The following RBFOX1 variants were observed in gnomAD, a reference collection of about 807,000 sequenced individuals.
RBFOX1 encodes the protein RNA binding protein fox-1 homolog 1.
A neutral mutation model predicts 57.7 loss-of-function variants in RBFOX1; 8 were observed. The observed-to-expected ratio is 0.14, with a 90% confidence interval of 0.08 to 0.25. The LOEUF is 0.25. Among genes scored for constraint, RBFOX1 ranks in the 10% least tolerant of loss-of-function variants. The probability of loss-of-function intolerance (pLI) is 1.00; values close to 1 mark genes in which losing one functional copy is unlikely to be tolerated. For missense variants in RBFOX1, 611 were observed against 548.5 expected, an observed-to-expected ratio of 1.11 and a Z score of -1.14; for synonymous variants, 326 against 222.4, an observed-to-expected ratio of 1.47 and a Z score of -4.15.
chr16:5,670,244 G>C (rs1449181273), intron 3 of RBFOX1, among the ~76,000 whole-genome samples: 2 of 152,134 alleles, frequency 1.3e-5, no homozygotes, highest in Non-Finnish European at 2.9e-5. Context: ...AAATGTTCTG[G>C]ACTCAGATAG....
chr16:5,241,507 G>A (rs2062166473), intron 1 of RBFOX1, among the ~76,000 whole-genome samples: 1 of 152,204 alleles, frequency 6.6e-6, no homozygotes, highest in South Asian at 2.1e-4. Context: ...GGGACCTAGG[G>A]AACGTGAGTG....
At chr16:7,576,202 G>A (rs886128105) in intron 5 of RBFOX1, among the ~76,000 whole-genome samples, 1 of 152,002 alleles carries the variant, frequency 6.6e-6, no homozygotes, top group Non-Finnish European at 1.5e-5. Flanking sequence ...GGGATTACAG[G>A]CATGAGCCAC....
chr16:6,669,850 C>G (rs780367389), intron 3 of RBFOX1, among the ~76,000 whole-genome samples: 19 of 152,164 alleles, frequency 1.2e-4, no homozygotes, highest in Non-Finnish European at 2.9e-5. Flanking sequence ...GCCAGGCAGG[C>G]AGATCTGATG....
intron 4 of RBFOX1, among the ~76,000 whole-genome samples, chr16:5,918,329 A>G (rs2058751705): frequency 6.6e-6 from 1 of 152,174 alleles, no homozygotes; most frequent in Non-Finnish European, 1.5e-5. Flanking sequence ...CATGTTGGCC[A>G]GGCTGGTCTC....
chr16:7,160,282 A>G lies in RBFOX1; in HGVS notation c.27+108184A>G, dbSNP rs147252343. Among the ~76,000 whole-genome samples the G allele has an allele frequency of 4.7e-4, 72 of 151,956 alleles. 1 individual carries two copies. The highest frequency in any genetic ancestry group is 1.7e-3 in the African/African-American group (71 of 41,428). ...GCATTGTTTTCTTCCTGTCTTTGGC[A>G]GGTTTCAGGCAAGTTGCATTAGTCT... On this transcript the variant is annotated intron_variant, in intron 4 of 15. Coordinates refer to ENST00000550418, the MANE Select transcript of RBFOX1 (RefSeq NM_018723.4).
chr16:5,714,750 C>T (rs576656708), intron 3 of RBFOX1, among the ~76,000 whole-genome samples: 1 of 152,158 alleles, frequency 6.6e-6, no homozygotes, highest in African/African-American at 2.4e-5. Flanking sequence ...ATTGTGCATA[C>T]CACACTGAGT....
At chr16:5,696,725 T>A (rs1596804991) in intron 3 of RBFOX1, among the ~76,000 whole-genome samples, 2 of 152,116 alleles carry the variant, frequency 1.3e-5, no homozygotes, top group South Asian at 4.1e-4. Context: ...TACATTCTTA[T>A]GATATTGCCT....
At chr16:7,105,856 G>A (rs1253991915) in intron 4 of RBFOX1, among the ~76,000 whole-genome samples, 1 of 152,082 alleles carries the variant, frequency 6.6e-6, no homozygotes, top group Non-Finnish European at 1.5e-5. Context: ...TGCGTTGGAG[G>A]AACCATCTGA....
Position 7,211,341 on chromosome 16 carries a change from G to A in RBFOX1, c.27+159243G>A, listed in dbSNP as rs949473044. ...TGGGAGGCGGAGCTTGCAGTGAGCCGAGATTGCACCACTGCGCCCCAGCCT... is the reference window on the plus strand; with the variant it reads ...TGGGAGGCGGAGCTTGCAGTGAGCCAAGATTGCACCACTGCGCCCCAGCCT... On this transcript the variant is annotated intron_variant, in intron 4 of 15. Coordinates refer to ENST00000550418, the MANE Select transcript of RBFOX1 (RefSeq NM_018723.4). 7.0e-5 allele frequency among the ~76,000 whole-genome samples: 10 copies of A among 143,852 alleles called. No homozygotes were observed. In the East Asian group the frequency reaches 8.6e-4, roughly 12 times the overall value. The allele number at this position is 143,852 out of a possible 152,430, so 94.4% of individuals were successfully genotyped here.
At chr16:5,606,529 C>T (rs1188976358) in intron 3 of RBFOX1, among the ~76,000 whole-genome samples, 1 of 152,034 alleles carries the variant, frequency 6.6e-6, no homozygotes, top group African/African-American at 2.4e-5. Flanking sequence ...CTCATTCCAC[C>T]CCCAACTCCC....
chr16:6,816,726 C>A (rs1163127995), intron 3 of RBFOX1, among the ~76,000 whole-genome samples: 3 of 93,638 alleles, frequency 3.2e-5, no homozygotes, highest in African/African-American at 7.6e-5. Flanking sequence ...GGTGACAGAG[C>A]AAGACTGTCT....
At chr16:7,552,833 C>G (rs1340305326) in intron 5 of RBFOX1, among the ~76,000 whole-genome samples, 1 of 152,070 alleles carries the variant, frequency 6.6e-6, no homozygotes, top group African/African-American at 2.4e-5. Context: ...CAGTTTCCTG[C>G]CACAACCCCC....
chr16:7,181,291 G>A (rs1000904274), intron 4 of RBFOX1, among the ~76,000 whole-genome samples: 4 of 152,148 alleles, frequency 2.6e-5, no homozygotes, highest in African/African-American at 9.7e-5. Flanking sequence ...AATGAATGAA[G>A]TACTGGATTC....
chr16:6,724,208 A>ATTTT (rs35887818), intron 3 of RBFOX1, among the ~76,000 whole-genome samples: 1 of 128,056 alleles, frequency 7.8e-6, no homozygotes, highest in Admixed American at 8.0e-5. Flanking sequence ...GGCATCTTCC[A>ATTTT]TTTTTTTTTT....
At chr16:7,351,158 C>T (rs2097123853) in intron 4 of RBFOX1, among the ~76,000 whole-genome samples, 1 of 152,172 alleles carries the variant, frequency 6.6e-6, no homozygotes, top group Admixed American at 6.5e-5. Context: ...CAGGGGACAA[C>T]TTGGGAGTTT....
chr16:6,428,644 T>G (rs2093995058), intron 2 of RBFOX1, among the ~76,000 whole-genome samples: 1 of 152,178 alleles, frequency 6.6e-6, no homozygotes, highest in Non-Finnish European at 1.5e-5. Context: ...GCTGTCATCA[T>G]CACCATCATT....
chr16:7,415,683 C>T (rs1012541869), intron 4 of RBFOX1, among the ~76,000 whole-genome samples: 1 of 152,152 alleles, frequency 6.6e-6, no homozygotes, highest in Non-Finnish European at 1.5e-5. Flanking sequence ...TACCAAGAAG[C>T]ACTAGTTGAA....
intron 1 of RBFOX1, among the ~76,000 whole-genome samples, chr16:6,121,314 A>G (rs1018455500): frequency 2.6e-5 from 4 of 152,172 alleles, no homozygotes; most frequent in African/African-American, 4.8e-5. Context: ...ATTCTTTACA[A>G]GGTGCCCCAG....
chr16:6,937,039 G>A (rs987133342), intron 3 of RBFOX1, among the ~76,000 whole-genome samples: 1 of 151,660 alleles, frequency 6.6e-6, no homozygotes, highest in Admixed American at 6.6e-5. Context: ...ACATGTATAC[G>A]TATGTAACTA....
Sources: gnomAD v4.1 joint callset for allele counts (sites outside exome capture counted in the v4.1 genomes callset) on GRCh38, gnomAD v4.1.1 for gene constraint, MANE v1.5 for transcripts, NCBI Gene and HGNC (gene_info 2026-07-23, HGNC 2026-07-21) for gene names.